DGKB: variants seen among roughly 807,000 people sequenced by gnomAD.
DGKB encodes diacylglycerol kinase beta, also known as 90 kDa diacylglycerol kinase.
A neutral mutation model predicts 114.3 loss-of-function variants in DGKB; 67 were observed. That is an observed-to-expected ratio of 0.59 (90% CI 0.48 to 0.72). The LOEUF (loss-of-function observed/expected upper bound fraction) is 0.72. DGKB is among the 30% of genes least tolerant of loss of function. The pLI is 0.00. For missense variants in DGKB, 907 were observed against 975.2 expected, an observed-to-expected ratio of 0.93 and a Z score of 0.93; for synonymous variants, 398 against 323.1, an observed-to-expected ratio of 1.23 and a Z score of -2.49.
chr7:14,435,972 G>C (rs1829182094), intron 21 of DGKB, among the ~76,000 whole-genome samples: 1 of 151,938 alleles, frequency 6.6e-6, no homozygotes, highest in Admixed American at 6.6e-5. Flanking sequence ...TAATATCAAA[G>C]GGAAATTCAA....
At chr7:14,262,895 T>TA (rs1194179310) in intron 23 of DGKB, among the ~76,000 whole-genome samples, 3 of 152,248 alleles carry the variant, frequency 2.0e-5, no homozygotes, top group Admixed American at 1.3e-4. Flanking sequence ...GAAGACGTTT[T>TA]ATTAAACAAA....
At chr7:14,368,277 T>C (rs1304512356) in intron 21 of DGKB, among the ~76,000 whole-genome samples, 1 of 152,166 alleles carries the variant, frequency 6.6e-6, no homozygotes, top group Non-Finnish European at 1.5e-5. Flanking sequence ...GTGTTATACA[T>C]TCTGTGGGTT....
At chr7:14,440,240 C>T (rs1164360138) in intron 21 of DGKB, among the ~76,000 whole-genome samples, 1 of 152,108 alleles carries the variant, frequency 6.6e-6, no homozygotes, top group African/African-American at 2.4e-5. Context: ...ACACTTGTGC[C>T]TGGGTTCTGA....
rs180696910 is a variant in DGKB, at chr7:14,277,123, G to A, written c.2122+61392C>T. Among the ~76,000 whole-genome samples the A allele has an allele frequency of 7.2e-5, 11 of 151,842 alleles. No homozygotes were observed. In the East Asian group the frequency reaches 9.7e-4, roughly 13 times the overall value. On this transcript the variant is annotated intron_variant, in intron 23 of 25. Coordinates refer to ENST00000402815, the MANE Select transcript of DGKB (RefSeq NM_001350709.2). ...TTTTATACCCTTTGACCAACAACTC[G>A]TTATTCCTTTCCTATACTTCCATGA...
chr7:14,537,466 C>A (rs1792695569), intron 20 of DGKB, among the ~76,000 whole-genome samples: 1 of 151,948 alleles, frequency 6.6e-6, no homozygotes, highest in African/African-American at 2.4e-5. Context: ...CAATAGAGAG[C>A]CCAGAAGTGA....
At chr7:14,480,734 A>G (rs913054196) in intron 20 of DGKB, among the ~76,000 whole-genome samples, 3 of 152,104 alleles carry the variant, frequency 2.0e-5, no homozygotes, top group Non-Finnish European at 2.9e-5. Flanking sequence ...GTGACTTCAA[A>G]CAAATTATTT....
intron 13 of DGKB, among the ~76,000 whole-genome samples, chr7:14,666,837 A>G (rs559670651): frequency 6.6e-6 from 1 of 152,106 alleles, no homozygotes; most frequent in South Asian, 2.1e-4. Flanking sequence ...TGACTAAATC[A>G]CACATTAAAT....
At chr7:14,899,020 A>G (rs1782559909) in intron 1 of DGKB, among the ~76,000 whole-genome samples, 1 of 152,150 alleles carries the variant, frequency 6.6e-6, no homozygotes, top group Non-Finnish European at 1.5e-5. Flanking sequence ...CATGCTGAGA[A>G]AGACCAATCT....
intron 13 of DGKB, among the ~76,000 whole-genome samples, chr7:14,664,812 T>C (rs1028311633): frequency 1.3e-5 from 2 of 151,864 alleles, no homozygotes; most frequent in Non-Finnish European, 2.9e-5. Context: ...TTACTCTGAA[T>C]TGCAGGAAAG....
In DGKB at chr7:14,297,918, A is replaced by C. The variant is rs1439088893; in HGVS notation, c.2122+40597T>G. Among the ~76,000 whole-genome samples, 5 of 152,144 alleles carry C rather than the reference A, an allele frequency of 3.3e-5. No individual in the cohort carries two copies. The East Asian group carries it at 9.7e-4, about 29-fold the overall frequency. ...CTTTCCTATACACCAATAATAGACA[A>C]ACAGAGAGCCAAATCATGAGTTAAC... On this transcript the variant is annotated intron_variant, in intron 23 of 25. Coordinates refer to ENST00000402815, the MANE Select transcript of DGKB (RefSeq NM_001350709.2).
intron 24 of DGKB, among the ~76,000 whole-genome samples, chr7:14,177,310 C>T (rs1781908548): frequency 6.6e-6 from 1 of 151,954 alleles, no homozygotes; most frequent in African/African-American, 2.4e-5. Context: ...TCCTGTGCTA[C>T]AATCCGTGGC....
At chr7:14,509,262 G>A (rs976194208) in intron 20 of DGKB, among the ~76,000 whole-genome samples, 1 of 151,968 alleles carries the variant, frequency 6.6e-6, no homozygotes, top group Non-Finnish European at 1.5e-5. Flanking sequence ...GAGTTTCTGG[G>A]GTGCCAGTTG....
chr7:14,697,715 GA>G (rs781705227), intron 8 of DGKB, among the ~76,000 whole-genome samples: 2 of 131,864 alleles, frequency 1.5e-5, no homozygotes, highest in South Asian at 4.7e-4. Context: ...AGGAAAGAAA[GA>G]AAAGGAAGGA....
intron 20 of DGKB, among the ~76,000 whole-genome samples, chr7:14,557,506 G>A (rs1560483): frequency 0.52 from 78,298 of 151,604 alleles, 20,305 homozygotes; most frequent in East Asian, 0.61. Flanking sequence ...TTTGTCAATT[G>A]CATCTTAACT....
At chr7:14,700,579 G>T (rs962985207) in intron 7 of DGKB, among the ~76,000 whole-genome samples, 1 of 152,124 alleles carries the variant, frequency 6.6e-6, no homozygotes, top group African/African-American at 2.4e-5. Flanking sequence ...TCAATTCAGA[G>T]TGATGGTCAT....
intron 20 of DGKB, 143 bp from the exon 21 acceptor site, chr7:14,478,368 C>A: frequency 4.0e-6 from 2 of 502,606 alleles, no homozygotes; most frequent in South Asian, 8.4e-5. Flanking sequence ...TAAAATTAGG[C>A]AAAAATGTGT....
chr7:14,223,763 A>G (rs1240562546), intron 23 of DGKB, among the ~76,000 whole-genome samples: 1 of 151,628 alleles, frequency 6.6e-6, no homozygotes, highest in African/African-American at 2.4e-5. Flanking sequence ...GAGACTTTTG[A>G]TCAATACAGA....
intron 21 of DGKB, among the ~76,000 whole-genome samples, chr7:14,439,504 C>G (rs1425333482): frequency 6.6e-6 from 1 of 152,114 alleles, no homozygotes; most frequent in Non-Finnish European, 1.5e-5. Flanking sequence ...TAGATAACCA[C>G]TTTCTTCAGT....
At chr7:14,939,810 T>A (rs1785473781) in intron 1 of DGKB, among the ~76,000 whole-genome samples, 1 of 151,888 alleles carries the variant, frequency 6.6e-6, no homozygotes, top group Non-Finnish European at 1.5e-5. Flanking sequence ...AGACAGGATT[T>A]CACCGTGTTA....
Sources: allele counts gnomAD v4.1 joint callset (sites outside exome capture counted in the v4.1 genomes callset), GRCh38; gene constraint gnomAD v4.1.1; transcripts MANE v1.5; gene names NCBI Gene and HGNC (gene_info 2026-07-23, HGNC 2026-07-21).